Variants in SERTM2 observed in about 807,000 individuals in gnomAD.
SERTM2 encodes the protein serine rich and transmembrane domain containing 2.
rs1569502970 is a variant in SERTM2 at position 111,521,917 on chromosome X, C to T, written c.*2787C>T. 1 of 111,512 alleles carries T rather than the reference C, an allele frequency of 9.0e-6. No homozygotes were observed. Among genetic ancestry groups the T allele is most frequent in the Non-Finnish European group, 1.9e-5 (1 of 53,104 alleles). The allele number at this position is 111,512 out of a possible 1,213,427, so 9.2% of individuals were successfully genotyped here. On this transcript the variant is annotated 3_prime_UTR_variant, in exon 3 of 3. Transcript: ENST00000569275. ...TCTCCTAATATGTTTAAAAAGAATC[C>T]AATTTTTTAAAATATATTTTGCATA...
intron 2 of SERTM2, among the ~76,000 whole-genome samples, chrX:111,515,504 T>C (rs904362666): frequency 9.0e-6 from 1 of 111,288 alleles, no homozygotes; most frequent in Non-Finnish European, 1.9e-5. Context: ...AGAGTCCTGA[T>C]TTGAAGTGCT....
chrX:111,517,912 C>A (rs1295651803), intron 2 of SERTM2, among the ~76,000 whole-genome samples, 163 bp from the exon 3 acceptor site: 1 of 111,434 alleles, frequency 9.0e-6, no homozygotes, highest in Non-Finnish European at 1.9e-5. Flanking sequence ...TTTTCTTTAA[C>A]CTTTTAAAAG....
chrX:111,513,564 C>A (rs1457210979), intron 2 of SERTM2, among the ~76,000 whole-genome samples: 1 of 111,488 alleles, frequency 9.0e-6, no homozygotes, highest in Non-Finnish European at 1.9e-5. Context: ...AATTAGTTAG[C>A]AAAGAGAGCC....
intron 2 of SERTM2, among the ~76,000 whole-genome samples, chrX:111,513,324 C>T (rs1930260333): frequency 9.1e-6 from 1 of 110,361 alleles, no homozygotes; most frequent in Admixed American, 9.8e-5. Flanking sequence ...CCTCACTCTC[C>T]TCCTTTTCCC....
At position 111,518,643 on chromosome X, in the gene SERTM2, C is replaced by T. The variant is rs769891838; in HGVS notation, c.-215C>T. 6 of 289,990 alleles carry T rather than the reference C, an allele frequency of 2.1e-5. No individual in the cohort carries two copies. Among genetic ancestry groups the T allele is most frequent in the South Asian group, 2.4e-4 (1 of 4,131 alleles). The allele number at this position is 289,990 out of a possible 1,213,427, so 23.9% of individuals were successfully genotyped here. A position where few individuals can be genotyped will look rare whatever the true frequency, so the allele number is the denominator to read the frequency against. On this transcript the variant is annotated 5_prime_UTR_variant, in exon 3 of 3. Coordinates refer to ENST00000569275, the MANE Select transcript of SERTM2 (RefSeq NM_001354473.2). Reference sequence around the variant, plus strand: ...GCTCTGATAAAACCTATTGGAGGGGCGATTGCTGTGCTGAAGGATAGAGAG... The same window carrying T: ...GCTCTGATAAAACCTATTGGAGGGGTGATTGCTGTGCTGAAGGATAGAGAG...
At chrX:111,517,019 G>A (rs1410599486) in intron 2 of SERTM2, among the ~76,000 whole-genome samples, 1 of 111,698 alleles carries the variant, frequency 9.0e-6, no homozygotes, top group Non-Finnish European at 1.9e-5. Flanking sequence ...GACTTCAGCA[G>A]TGAATAGTTG....
At chrX:111,514,203 A>G (rs772738697) in intron 2 of SERTM2, among the ~76,000 whole-genome samples, 7 of 111,578 alleles carry the variant, frequency 6.3e-5, no homozygotes, top group South Asian at 7.5e-4. Context: ...TCTCCAAGCT[A>G]TATTAGCAAT....
intron 2 of SERTM2, among the ~76,000 whole-genome samples, chrX:111,516,808 G>C (rs1382945056): frequency 1.8e-5 from 2 of 111,348 alleles, no homozygotes; most frequent in Non-Finnish European, 3.8e-5. Flanking sequence ...AATTCAATAT[G>C]ATAGGAAAAA....
intron 2 of SERTM2, among the ~76,000 whole-genome samples, chrX:111,515,277 T>C (rs1930291373): frequency 9.0e-6 from 1 of 111,503 alleles, no homozygotes; most frequent in Non-Finnish European, 1.9e-5. Context: ...TATTTTTCCT[T>C]ACCCTTCTTT....
chrX:111,520,629 C>T lies in SERTM2; in HGVS notation c.*1499C>T, dbSNP rs1930396088. On this transcript the variant is annotated 3_prime_UTR_variant, in exon 3 of 3. Coordinates refer to ENST00000569275, the MANE Select transcript of SERTM2 (RefSeq NM_001354473.2). ...AAATCTAGATTGGTAGTGAAATTCC[C>T]AAGTGCTTTCCACTTTTATACACAG... 1 of 111,496 alleles carries T rather than the reference C, an allele frequency of 9.0e-6. No individual in the cohort carries two copies. Among genetic ancestry groups the T allele is most frequent in the African/African-American group, 3.3e-5 (1 of 30,638 alleles). 9.2% of individuals were successfully genotyped at this position (111,496 alleles called of 1,213,427 possible). A position where few individuals can be genotyped will look rare whatever the true frequency, so the allele number is the denominator to read the frequency against.
Position 111,520,576 on chromosome X carries a change from A to G in SERTM2, c.*1446A>G. On this transcript the variant is annotated 3_prime_UTR_variant, in exon 3 of 3. Coordinates refer to ENST00000569275, the MANE Select transcript of SERTM2 (RefSeq NM_001354473.2). ...TGTAGCTCTTTGTAGTCTGTAACCA[A>G]TTTAGATTGGCCCTTTTTCTCTGAT... 8.9e-6 allele frequency: 1 copy of G among 111,914 alleles called. No homozygotes were observed. Among genetic ancestry groups the G allele is most frequent in the Middle Eastern group, 4.6e-3 (1 of 218 alleles). 9.2% of individuals were successfully genotyped at this position (111,914 alleles called of 1,213,427 possible). A position where few individuals can be genotyped will look rare whatever the true frequency, so the allele number is the denominator to read the frequency against.
At chrX:111,517,018 A>G (rs759506916) in intron 2 of SERTM2, among the ~76,000 whole-genome samples, 1 of 111,831 alleles carries the variant, frequency 8.9e-6, no homozygotes, top group Non-Finnish European at 1.9e-5. Context: ...AGACTTCAGC[A>G]GTGAATAGTT....
intron 2 of SERTM2, among the ~76,000 whole-genome samples, chrX:111,516,426 A>T (rs1169141319): frequency 9.1e-6 from 1 of 109,988 alleles, no homozygotes; most frequent in Non-Finnish European, 1.9e-5. Context: ...GATTAGCTGT[A>T]TTCTTTAGCT....
In SERTM2 at chrX:111,512,132, G is replaced by A. The variant is rs576231063; in HGVS notation, c.-784+38G>A. On this transcript the variant is annotated intron_variant, in intron 2 of 2. Transcript: ENST00000569275. ...TGGAAATATTACGATGTTAATCCCG[G>A]TGAAGTGAGAGGCATTATTTTATTT... The A allele has an allele frequency of 9.3e-5, 27 of 290,916 alleles. 1 individual carries two copies. The highest frequency in any genetic ancestry group is 6.9e-4 in the African/African-American group (25 of 36,286). 24.0% of individuals were successfully genotyped at this position (290,916 alleles called of 1,213,427 possible).
chrX:111,513,537 T>C (rs923140274), intron 2 of SERTM2, among the ~76,000 whole-genome samples: 31 of 111,954 alleles, frequency 2.8e-4, no homozygotes, highest in Admixed American at 9.5e-4. Context: ...GCAATCATAT[T>C]ATCTGTGCAA....
At position 111,517,462 on chromosome X, in the gene SERTM2, A is replaced by AT. The variant is rs201155558; in HGVS notation, c.-783-608dup. Among the ~76,000 whole-genome samples the AT allele has an allele frequency of 9.3e-3, 1,029 of 110,590 alleles. 20 individuals carry two copies. The highest frequency in any genetic ancestry group is 0.032 in the African/African-American group (960 of 30,449). ...TTAGATATGTGGGGTAAAAATAGACATTTTTCCCCAGTGTTTTTAGACCAG... is the reference window on the plus strand; with the variant it reads ...TTAGATATGTGGGGTAAAAATAGACATTTTTTCCCCAGTGTTTTTAGACCAG... On this transcript the variant is annotated intron_variant, in intron 2 of 2. Coordinates refer to ENST00000569275, the MANE Select transcript of SERTM2 (RefSeq NM_001354473.2).
chrX:111,519,284 T>C lies in SERTM2; in HGVS notation c.*154T>C, dbSNP rs1930371166. On this transcript the variant is annotated 3_prime_UTR_variant, in exon 3 of 3. Coordinates refer to ENST00000569275, the MANE Select transcript of SERTM2 (RefSeq NM_001354473.2). The stretch of plus-strand genomic sequence containing the variant: ...GTTCATGTTTTCTTTGTGTTATTCT[T>C]CATCTTTACTCTGCTTGTGGGCTAT... 1 of 283,534 alleles carries C rather than the reference T, an allele frequency of 3.5e-6. No homozygotes were observed. The highest frequency in any genetic ancestry group is 6.2e-6 in the Non-Finnish European group (1 of 162,215). The allele number at this position is 283,534 out of a possible 1,213,427, so 23.4% of individuals were successfully genotyped here.
At position 111,519,212 on chromosome X, in the gene SERTM2, A is replaced by G; in HGVS notation, c.*82A>G. The G allele has an allele frequency of 3.4e-6, 1 of 295,961 alleles. No homozygotes were observed. The highest frequency in any genetic ancestry group is 5.9e-6 in the Non-Finnish European group (1 of 169,329). 24.4% of individuals were successfully genotyped at this position (295,961 alleles called of 1,213,427 possible). A position where few individuals can be genotyped will look rare whatever the true frequency, so the allele number is the denominator to read the frequency against. Reference sequence around the variant, plus strand: ...CAGGAGAGCTTGCTTTCTTGCATGAAGCTTCCCATGTAGGGAATCCACAAG... The same window carrying G: ...CAGGAGAGCTTGCTTTCTTGCATGAGGCTTCCCATGTAGGGAATCCACAAG... On this transcript the variant is annotated 3_prime_UTR_variant, in exon 3 of 3. Transcript: ENST00000569275.
rs1930362345 is a variant in SERTM2, at chrX:111,518,798, G to A, written c.-60G>A. On this transcript the variant is annotated 5_prime_UTR_variant, in exon 3 of 3. Transcript: ENST00000569275. ...ATTTAGAGACAGTCTAAGTGACTGTGAAATGCCTCAAGGGCAGTAGAAATC... is the reference window on the plus strand; with the variant it reads ...ATTTAGAGACAGTCTAAGTGACTGTAAAATGCCTCAAGGGCAGTAGAAATC... The A allele has an allele frequency of 6.7e-6, 2 of 297,090 alleles. No individual in the cohort carries two copies. The highest frequency in any genetic ancestry group is 1.2e-5 in the Non-Finnish European group (2 of 169,921). The allele number at this position is 297,090 out of a possible 1,213,427, so 24.5% of individuals were successfully genotyped here.
Sources: allele counts gnomAD v4.1 joint callset (sites outside exome capture counted in the v4.1 genomes callset), GRCh38; gene constraint gnomAD v4.1.1; transcripts MANE v1.5; gene names NCBI Gene and HGNC (gene_info 2026-07-23, HGNC 2026-07-21).